Variants in TJP3 observed in about 807,000 individuals in gnomAD.
TJP3 encodes tight junction protein ZO-3.
TJP3 carries 85 observed loss-of-function variants against 104.2 expected under a neutral mutation model. The observed-to-expected ratio is 0.82, with a 90% CI of 0.68 to 0.98. The LOEUF (loss-of-function observed/expected upper bound fraction) is 0.98, where lower values mean the gene tolerates loss of function less well. Among genes scored for constraint, TJP3 ranks in the 50% least tolerant of loss-of-function variants. The probability of loss-of-function intolerance (pLI) is 0.00; values close to 1 mark genes in which losing one functional copy is unlikely to be tolerated. For missense variants in TJP3, 1,367 were observed against 1,322.8 expected, an observed-to-expected ratio of 1.03 and a Z score of -0.52; for synonymous variants, 550 against 550.6, an observed-to-expected ratio of 1.00 and a Z score of 0.02.
At chr19:3,735,763 G>C in intron 9 of TJP3, 106 bp from the exon 10 acceptor site, 1 of 1,581,868 alleles carries the variant, frequency 6.3e-7, no homozygotes, top group Non-Finnish European at 8.7e-7. Context: ...TCCTGAGAAG[G>C]ACTCGAGGTG....
rs749428514 is a variant in TJP3 at position 3,739,085 on chromosome 19, GGTC to G, written c.1585_1587del (p.Arg529del). ...AGGCCACTGGCTGGCGGTGCGCATGGGTCGTGACCTGCGGGAGCAAGAGCGGGG... is the reference window on the plus strand; with the variant it reads ...AGGCCACTGGCTGGCGGTGCGCATGGGTGACCTGCGGGAGCAAGAGCGGGG... On this transcript the variant is annotated inframe_deletion, in exon 13 of 21. Transcript: ENST00000541714. 1 of 1,594,992 alleles carries G rather than the reference GGTC, an allele frequency of 6.3e-7. No homozygotes were observed. The highest frequency in any genetic ancestry group is 1.7e-5 in the Admixed American group (1 of 58,676).
rs769030169 is a variant in TJP3 at position 3,736,246 on chromosome 19, C to T, written c.1209C>T (p.Gly403=). 3 of 1,572,814 alleles carry T rather than the reference C, an allele frequency of 1.9e-6. No individual in the cohort carries two copies. The highest frequency in any genetic ancestry group is 4.5e-5 in the East Asian group (2 of 44,438). ...GLRLAGGNDV[G]IFVSGVQAGS... ...GGCTGGCAGGGGGCAATGACGTGGG[C>T]ATCTTCGTGTCCGGGGTGCAGGCGG... The change falls in exon 11 of 21, where the codon GGC becomes GGT. Residue 403 remains glycine, a synonymous_variant. Coordinates refer to ENST00000541714, the MANE Select transcript of TJP3 (RefSeq NM_001267560.2).
Position 3,711,654 on chromosome 19 carries a change from A to C in TJP3, c.-10+3093A>C, listed in dbSNP as rs1032371299. Among the ~76,000 whole-genome samples, 197 of 145,886 alleles carry C rather than the reference A, an allele frequency of 1.4e-3. 2 individuals carry two copies. The highest frequency in any genetic ancestry group is 4.6e-3 in the African/African-American group (185 of 39,848). ...ACGCCTGTAATCCCAGCACTTTGGG[A>C]GGCCGAGACGGGTGGATCACGAGGT... is the stretch of plus-strand genomic sequence containing the variant. On this transcript the variant is annotated intron_variant, in intron 1 of 20. Coordinates refer to ENST00000541714, the MANE Select transcript of TJP3 (RefSeq NM_001267560.2).
chr19:3,740,359 G>C (rs2036796737), intron 13 of TJP3, among the ~76,000 whole-genome samples, 193 bp from the exon 14 acceptor site: 1 of 152,160 alleles, frequency 6.6e-6, no homozygotes, highest in Non-Finnish European at 1.5e-5. Flanking sequence ...AACGAGTCCA[G>C]CCTGAGTGAC....
In TJP3 at chr19:3,745,133, C is replaced by CTTTTTTTTT. The variant is rs549831017; in HGVS notation, c.1940-856_1940-848dup. On this transcript the variant is annotated intron_variant, in intron 15 of 20. Coordinates refer to ENST00000541714, the MANE Select transcript of TJP3 (RefSeq NM_001267560.2). ...TTAAAAAAAGATGCAAATTTTATGT[C>CTTTTTTTTT]TTTTTTTTTTTTTTTTTTTTTTTTT... Among the ~76,000 whole-genome samples the CTTTTTTTTT allele has an allele frequency of 3.6e-4, 25 of 70,028 alleles. 1 individual carries two copies. The highest frequency in any genetic ancestry group is 5.0e-4 in the African/African-American group (8 of 15,866). 45.9% of individuals were successfully genotyped at this position (70,028 alleles called of 152,430 possible).
chr19:3,750,691 G>C lies in TJP3; in HGVS notation c.*7G>C, dbSNP rs34278595. On this transcript the variant is annotated 3_prime_UTR_variant, in exon 21 of 21. Transcript: ENST00000541714. ...TCCGGCCACTGACCTGTGACCTCTC[G>C]AAGGCTGCCAGCTGGTCCGTCCTCC... The C allele has an allele frequency of 0.023, 36,597 of 1,589,922 alleles. 500 individuals are homozygous for C. Among genetic ancestry groups the C allele is most frequent in the Middle Eastern group, 0.042 (252 of 6,040 alleles).
intron 18 of TJP3, 137 bp downstream of exon 18, chr19:3,747,013 G>C: frequency 1.3e-6 from 1 of 787,528 alleles, no homozygotes; most frequent in South Asian, 1.7e-5. Context: ...GATGGGACCT[G>C]AGACAAGGGT....
chr19:3,717,619 A>G (rs1389049146), intron 1 of TJP3, among the ~76,000 whole-genome samples: 1 of 151,206 alleles, frequency 6.6e-6, no homozygotes, highest in Non-Finnish European at 1.5e-5. Flanking sequence ...GTATTTTTGT[A>G]GAGATGGGTT....
Position 3,730,190 on chromosome 19 carries a change from G to C in TJP3, c.261+60G>C, listed in dbSNP as rs1411082122. 2.5e-6 allele frequency: 4 copies of C among 1,574,200 alleles called. No homozygotes were observed. The highest frequency in any genetic ancestry group is 3.5e-6 in the Non-Finnish European group (4 of 1,144,820). ...TGACCCCAGCCTGGGTCGTGCCGCT[G>C]TGGGGGTTGTAAGCTTCTGAGAGCA... On this transcript the variant is annotated intron_variant, in intron 4 of 20. Coordinates refer to ENST00000541714, the MANE Select transcript of TJP3 (RefSeq NM_001267560.2). This position sits in a 1 kb window ranked among gnomAD's most constrained non-coding sequence, Gnocchi z 7.3.
In TJP3 at chr19:3,746,737, C is replaced by T. The variant is rs777891437; in HGVS notation, c.2222-39C>T. 5 of 1,598,948 alleles carry T rather than the reference C, an allele frequency of 3.1e-6. No homozygotes were observed. In the East Asian group the frequency reaches 1.1e-4, roughly 36 times the overall value. On this transcript the variant is annotated intron_variant, in intron 17 of 20. Transcript: ENST00000541714. The surrounding 1 kb of genome is among the most constrained non-coding windows in gnomAD (Gnocchi z 4.1). The stretch of plus-strand genomic sequence containing the variant: ...CCCAGGGTAGGCGGGTGGGCCCCAG[C>T]CTGAGTCTCCTGCACACACTGACGT...
intron 3 of TJP3, among the ~76,000 whole-genome samples, chr19:3,729,711 G>C (rs1302446568): frequency 6.6e-6 from 1 of 151,252 alleles, no homozygotes; most frequent in Admixed American, 6.6e-5. Context: ...GAAACGAGGA[G>C]GTGGAGGTTG....
In TJP3 at chr19:3,739,082, A is replaced by C; in HGVS notation, c.1579A>C (p.Met527Leu). 6.2e-7 allele frequency: 1 copy of C among 1,603,628 alleles called. No individual in the cohort carries two copies. The highest frequency in any genetic ancestry group is 8.5e-7 in the Non-Finnish European group (1 of 1,174,318). Residue 527 changes from methionine to leucine, a missense_variant, in exon 13 of 21, where the codon ATG (methionine) becomes CTG (leucine). Met to Leu is a conservative substitution (Grantham distance 15, BLOSUM62 2). Coordinates refer to ENST00000541714, the MANE Select transcript of TJP3 (RefSeq NM_001267560.2). ...ARGGHWLAVR[M>L]GRDLREQERG... ...AGGAGGCCACTGGCTGGCGGTGCGC[A>C]TGGGTCGTGACCTGCGGGAGCAAGA... is the stretch of plus-strand genomic sequence containing the variant.
intron 15 of TJP3, among the ~76,000 whole-genome samples, chr19:3,744,393 C>T (rs1326539439): frequency 6.6e-6 from 1 of 152,136 alleles, no homozygotes; most frequent in Non-Finnish European, 1.5e-5. Flanking sequence ...TGGCCGGGTG[C>T]GGTGGCTCAT....
rs539090182 is a variant in TJP3 at position 3,746,234 on chromosome 19, C to G, written c.2010+153C>G. Among the ~76,000 whole-genome samples the G allele has an allele frequency of 1.1e-4, 17 of 152,130 alleles. 1 individual carries two copies. In the South Asian group the frequency reaches 2.9e-3, roughly 26 times the overall value. On this transcript the variant is annotated intron_variant, in intron 16 of 20. Transcript: ENST00000541714. This position sits in a 1 kb window ranked among gnomAD's most constrained non-coding sequence, Gnocchi z 4.1. ...TGGAGGCTTTGTGAGGCAGGAGGCC[C>G]GAGACAGACAAGGGCTTCTCGGAGT...
At chr19:3,733,946 T>C (rs766945555) in intron 7 of TJP3, 34 bp downstream of exon 7, 3 of 1,602,608 alleles carry the variant, frequency 1.9e-6, no homozygotes, top group Admixed American at 3.5e-5. Context: ...TGGGAGGGGG[T>C]TGAATGGATG....
At chr19:3,729,842 C>T (rs757338058) in intron 3 of TJP3, among the ~76,000 whole-genome samples, 186 bp from the exon 4 acceptor site, 6 of 151,616 alleles carry the variant, frequency 4.0e-5, no homozygotes, top group Non-Finnish European at 8.8e-5. Context: ...ACAATTGGCT[C>T]CATTTTACAG....
intron 1 of TJP3, 41 bp from the exon 2 acceptor site, chr19:3,728,383 T>C: frequency 6.2e-7 from 1 of 1,614,044 alleles, no homozygotes; most frequent in Non-Finnish European, 8.5e-7. Context: ...CAGATGAACC[T>C]GTGTGGCCTC....
chr19:3,744,660 C>CAA (rs1345114803), intron 15 of TJP3, among the ~76,000 whole-genome samples: 1 of 125,284 alleles, frequency 8.0e-6, no homozygotes, highest in Non-Finnish European at 1.7e-5. Flanking sequence ...GAGACTCTGT[C>CAA]AAAAAAAAAA....
intron 11 of TJP3, among the ~76,000 whole-genome samples, chr19:3,737,626 C>T (rs553352550): frequency 6.6e-6 from 1 of 152,164 alleles, no homozygotes; most frequent in Non-Finnish European, 1.5e-5. Flanking sequence ...GTCTCACCCC[C>T]ACTTTGCTCT....
Sources: gnomAD v4.1 joint callset for allele counts (sites outside exome capture counted in the v4.1 genomes callset) on GRCh38, gnomAD v4.1.1 for gene constraint, Gnocchi (gnomAD v3.1) non-coding constraint, MANE v1.5 for transcripts, NCBI Gene and HGNC (gene_info 2026-07-23, HGNC 2026-07-21) for gene names.